ANKRD6: variants seen among roughly 807,000 people sequenced by gnomAD.
The protein encoded by ANKRD6 is ankyrin repeat domain-containing protein 6.
ANKRD6 carries 56 observed loss-of-function variants against 82.3 expected under a neutral mutation model. The ratio of observed to expected loss-of-function variants is 0.68; its 90% CI spans 0.55 to 0.85. ANKRD6 has a LOEUF of 0.85. Ranked by LOEUF, ANKRD6 falls within the 40% of genes least tolerant of loss-of-function variation. The probability of loss-of-function intolerance (pLI) is 0.00; values close to 1 mark genes in which losing one functional copy is unlikely to be tolerated. For synonymous variants in ANKRD6, 347 were observed against 352.1 expected, an observed-to-expected ratio of 0.99 and a Z score of 0.16; for missense variants, 852 against 907.6, an observed-to-expected ratio of 0.94 and a Z score of 0.79.
At chr6:89,472,101 A>C (rs925903044) in intron 1 of ANKRD6, among the ~76,000 whole-genome samples, 1 of 151,992 alleles carries the variant, frequency 6.6e-6, no homozygotes, top group Non-Finnish European at 1.5e-5. Flanking sequence ...CAGATGCAGC[A>C]CTCCAATCCC....
chr6:89,607,812 T>C (rs1485778001), intron 5 of ANKRD6, among the ~76,000 whole-genome samples: 1 of 151,308 alleles, frequency 6.6e-6, no homozygotes, highest in African/African-American at 2.5e-5. Context: ...CACGCCCGGC[T>C]AATTTTTCCA....
At chr6:89,604,406 A>C (rs1174173857) in intron 4 of ANKRD6, among the ~76,000 whole-genome samples, 1 of 152,006 alleles carries the variant, frequency 6.6e-6, no homozygotes, top group Non-Finnish European at 1.5e-5. Flanking sequence ...ATGTTTTTAA[A>C]TTTTCAAACA....
At chr6:89,436,275 T>A (rs375092277) in intron 1 of ANKRD6, among the ~76,000 whole-genome samples, 4 of 152,366 alleles carry the variant, frequency 2.6e-5, no homozygotes, top group South Asian at 4.1e-4. Context: ...CTGTTTCACA[T>A]TAATATTTCC....
At chr6:89,528,332 G>A (rs1583101185) in intron 1 of ANKRD6, among the ~76,000 whole-genome samples, 1 of 152,178 alleles carries the variant, frequency 6.6e-6, no homozygotes, top group East Asian at 1.9e-4. Context: ...AGTGTTCACA[G>A]CATCTTCACC....
chr6:89,454,531 T>C (rs1773275207), intron 1 of ANKRD6, among the ~76,000 whole-genome samples: 1 of 152,224 alleles, frequency 6.6e-6, no homozygotes, highest in African/African-American at 2.4e-5. Flanking sequence ...TCACTGATCG[T>C]GATGCACATC....
chr6:89,490,586 C>G (rs553942172), intron 1 of ANKRD6, among the ~76,000 whole-genome samples: 5 of 152,322 alleles, frequency 3.3e-5, no homozygotes, highest in African/African-American at 1.2e-4. Context: ...GCTGTTGTGA[C>G]ACAGTGGTGA....
chr6:89,571,005 A>C (rs1789745736), intron 2 of ANKRD6, among the ~76,000 whole-genome samples: 1 of 152,170 alleles, frequency 6.6e-6, no homozygotes, highest in Non-Finnish European at 1.5e-5. Flanking sequence ...AACAGTGCAC[A>C]AGGGTTCCCA....
intron 2 of ANKRD6, among the ~76,000 whole-genome samples, chr6:89,569,460 TG>T (rs2128081943): frequency 6.6e-6 from 1 of 152,348 alleles, no homozygotes; most frequent in South Asian, 2.1e-4. Context: ...AATAATCCAT[TG>T]TATACATATA....
chr6:89,586,484 C>T (rs1279566983), intron 2 of ANKRD6, among the ~76,000 whole-genome samples: 2 of 151,954 alleles, frequency 1.3e-5, no homozygotes, highest in African/African-American at 2.4e-5. Context: ...GTCAAGAGTT[C>T]GAGACCAGCC....
rs375981572 is a variant in ANKRD6 at position 89,587,221 on chromosome 6, T to C, written c.121-8695T>C. Among the ~76,000 whole-genome samples, 5 of 146,870 alleles carry C rather than the reference T, an allele frequency of 3.4e-5. No homozygotes were observed. The East Asian group carries it at 6.0e-4, about 18-fold the overall frequency. ...AAAAAAAAAAAAAGGCTGGGTGCAG[T>C]GCCTCACGCCTGTAATCCCAACACT... On this transcript the variant is annotated intron_variant, in intron 2 of 15. Coordinates refer to ENST00000339746, the MANE Select transcript of ANKRD6 (RefSeq NM_001242809.2).
chr6:89,484,353 A>G (rs1355960621), intron 1 of ANKRD6, among the ~76,000 whole-genome samples: 1 of 152,060 alleles, frequency 6.6e-6, no homozygotes, highest in Non-Finnish European at 1.5e-5. Flanking sequence ...TATTTTTTTT[A>G]TAAGTCCTTT....
chr6:89,459,362 G>T (rs1412939506), intron 1 of ANKRD6, among the ~76,000 whole-genome samples: 1 of 152,206 alleles, frequency 6.6e-6, no homozygotes, highest in African/African-American at 2.4e-5. Context: ...ACAGGCATGA[G>T]CCACCATGCC....
chr6:89,451,613 C>T (rs2127956136), intron 1 of ANKRD6, among the ~76,000 whole-genome samples: 1 of 152,270 alleles, frequency 6.6e-6, no homozygotes, highest in Middle Eastern at 3.4e-3. Context: ...TATACCAAAA[C>T]CCAGTTTTGC....
intron 1 of ANKRD6, among the ~76,000 whole-genome samples, chr6:89,441,181 C>T (rs854876): frequency 0.16 from 24,941 of 152,112 alleles, 2,519 homozygotes; most frequent in Non-Finnish European, 0.22. Context: ...GACAGAGTCT[C>T]GCTCTGTCTC....
At chr6:89,616,127 T>G (rs1396273716) in intron 7 of ANKRD6, among the ~76,000 whole-genome samples, 1 of 152,194 alleles carries the variant, frequency 6.6e-6, no homozygotes, top group Non-Finnish European at 1.5e-5. Flanking sequence ...TCACGGCTTC[T>G]CCTGCTCAAT....
At chr6:89,490,369 G>C (rs531361400) in intron 1 of ANKRD6, among the ~76,000 whole-genome samples, 1 of 152,212 alleles carries the variant, frequency 6.6e-6, no homozygotes, top group Admixed American at 6.5e-5. Context: ...ACACAAATAC[G>C]TGATACCTCA....
intron 7 of ANKRD6, among the ~76,000 whole-genome samples, chr6:89,615,494 C>T (rs1436232352): frequency 6.6e-6 from 1 of 152,184 alleles, no homozygotes; most frequent in Non-Finnish European, 1.5e-5. Context: ...AAAAAGTCCC[C>T]CTGCCCAGCC....
chr6:89,488,689 T>A (rs1777647088), intron 1 of ANKRD6, among the ~76,000 whole-genome samples: 1 of 152,188 alleles, frequency 6.6e-6, no homozygotes, highest in South Asian at 2.1e-4. Flanking sequence ...CAAAAAGAAA[T>A]ATAGGTTACA....
At position 89,551,505 on chromosome 6, in the gene ANKRD6, A is replaced by G. The variant is rs542677312; in HGVS notation, c.-143-15329A>G. ...AGGACTGGAATGTCCACCCAGGAGA[A>G]GGTCTGTGGATTTTCCCTACAAAGG... On this transcript the variant is annotated intron_variant, in intron 1 of 15. Transcript: ENST00000339746. Among the ~76,000 whole-genome samples, 5 of 152,328 alleles carry G rather than the reference A, an allele frequency of 3.3e-5. No individual in the cohort carries two copies. In the East Asian group the frequency reaches 9.6e-4, roughly 29 times the overall value.
Sources: allele counts gnomAD v4.1 joint callset (sites outside exome capture counted in the v4.1 genomes callset), GRCh38; gene constraint gnomAD v4.1.1; transcripts MANE v1.5; gene names NCBI Gene and HGNC (gene_info 2026-07-23, HGNC 2026-07-21).